PRRC1: variants seen among roughly 807,000 people sequenced by gnomAD.
PRRC1 encodes protein PRRC1.
In PRRC1, 39 loss-of-function variants were observed where a neutral mutation model predicts 40.7. That is an observed-to-expected ratio of 0.96 (90% CI 0.74 to 1.25). The LOEUF is 1.25. PRRC1 is among the 50% of genes most tolerant of loss of function. The pLI is 0.00. For synonymous variants in PRRC1, 175 were observed against 193.3 expected, an observed-to-expected ratio of 0.91 and a Z score of 0.79; for missense variants, 573 against 548.3, an observed-to-expected ratio of 1.05 and a Z score of -0.45.
intron 5 of PRRC1, among the ~76,000 whole-genome samples, chr5:127,533,298 T>A (rs1580937861): frequency 6.6e-6 from 1 of 152,314 alleles, no homozygotes; most frequent in South Asian, 2.1e-4. Flanking sequence ...TCACTTACTA[T>A]CAGTAAGTCT....
chr5:127,529,893 G>A (rs146949387), intron 4 of PRRC1, among the ~76,000 whole-genome samples: 372 of 152,176 alleles, frequency 2.4e-3, no homozygotes, highest in African/African-American at 8.6e-3. Flanking sequence ...TAGGGAACAA[G>A]TATGGACTTA....
At chr5:127,551,354 GT>G (rs1768376428) in intron 8 of PRRC1, 1 of 230,036 alleles carries the variant, frequency 4.3e-6, no homozygotes, top group African/African-American at 2.3e-5. Flanking sequence ...TTAATTTTCA[GT>G]TTTCCTCTTT....
chr5:127,552,022 T>A lies in PRRC1; in HGVS notation c.*106T>A. The stretch of plus-strand genomic sequence containing the variant: ...AATAGTCTAAATGAATCCAGTAGTT[T>A]TTATCATTTTCCTGTAGCCTGCAAT... On this transcript the variant is annotated 3_prime_UTR_variant, in exon 9 of 9. Coordinates refer to ENST00000296666, the MANE Select transcript of PRRC1 (RefSeq NM_130809.5). 6.7e-7 allele frequency: 1 copy of A among 1,494,754 alleles called. No homozygotes were observed. Among genetic ancestry groups the A allele is most frequent in the Non-Finnish European group, 8.9e-7 (1 of 1,119,432 alleles). The allele number at this position is 1,494,754 out of a possible 1,614,324, so 92.6% of individuals were successfully genotyped here.
At chr5:127,519,094 T>C (rs1289747033) in intron 1 of PRRC1, among the ~76,000 whole-genome samples, 1 of 152,252 alleles carries the variant, frequency 6.6e-6, no homozygotes, top group Non-Finnish European at 1.5e-5. Flanking sequence ...TGCAGACACA[T>C]TTGTTAATGT....
intron 1 of PRRC1, 93 bp from the exon 2 acceptor site, chr5:127,523,365 CTT>C: frequency 1.8e-6 from 1 of 563,386 alleles, no homozygotes; most frequent in Admixed American, 3.6e-5. Context: ...ACATCTATCT[CTT>C]GATGATTTTT....
At chr5:127,531,617 C>CTTCTTTTTTTTTTTTTT (rs1268819647) in intron 5 of PRRC1, among the ~76,000 whole-genome samples, 2 of 99,680 alleles carry the variant, frequency 2.0e-5, no homozygotes, top group African/African-American at 9.3e-5. Flanking sequence ...TCTTCTTCTT[C>CTTCTTTTTTTTTTTTTT]TTTTTTTTTT....
At position 127,554,542 on chromosome 5, in the gene PRRC1, C is replaced by T. The variant is rs1768478178; in HGVS notation, c.*2626C>T. ...CAGTTGACAAGGTGCTCAGATTATT[C>T]AATTCGGGATCCTCCTTTTGTTAGG... On this transcript the variant is annotated 3_prime_UTR_variant, in exon 9 of 9. Coordinates refer to ENST00000296666, the MANE Select transcript of PRRC1 (RefSeq NM_130809.5). 6.6e-6 allele frequency: 1 copy of T among 152,132 alleles called. No individual in the cohort carries two copies. Among genetic ancestry groups the T allele is most frequent in the Non-Finnish European group, 1.5e-5 (1 of 68,026 alleles). 9.4% of individuals were successfully genotyped at this position (152,132 alleles called of 1,614,324 possible).
chr5:127,532,329 G>A (rs181734055), intron 5 of PRRC1, among the ~76,000 whole-genome samples: 29 of 152,184 alleles, frequency 1.9e-4, no homozygotes, highest in Admixed American at 7.9e-4. Flanking sequence ...GGATGATCTC[G>A]ATCTCTTGAC....
chr5:127,524,472 G>T, intron 2 of PRRC1, 59 bp from the exon 3 acceptor site: 1 of 1,507,358 alleles, frequency 6.6e-7, no homozygotes. Context: ...TAGACAGTTT[G>T]AAAACTAAAT....
At position 127,553,913 on chromosome 5, in the gene PRRC1, G is replaced by T. The variant is rs753628475; in HGVS notation, c.*1997G>T. Reference sequence around the variant, plus strand: ...CTCCTGCTCGGAACCGTGTGAGTGGGTGAGGAAGATGAGAGATGGTCAGAT... The same window carrying T: ...CTCCTGCTCGGAACCGTGTGAGTGGTTGAGGAAGATGAGAGATGGTCAGAT... On this transcript the variant is annotated 3_prime_UTR_variant, in exon 9 of 9. Coordinates refer to ENST00000296666, the MANE Select transcript of PRRC1 (RefSeq NM_130809.5). The T allele has an allele frequency of 6.5e-7, 1 of 1,535,056 alleles. No individual in the cohort carries two copies. The highest frequency in any genetic ancestry group is 1.2e-5 in the South Asian group (1 of 84,016).
chr5:127,551,420 A>G (rs958438930), intron 8 of PRRC1: 1 of 339,916 alleles, frequency 2.9e-6, no homozygotes, highest in Non-Finnish European at 5.5e-6. Context: ...TTTAGTACCA[A>G]TCTTATTATT....
At chr5:127,535,673 A>G (rs2127103086) in intron 6 of PRRC1, among the ~76,000 whole-genome samples, 1 of 152,286 alleles carries the variant, frequency 6.6e-6, no homozygotes, top group Non-Finnish European at 1.5e-5. Context: ...TATTTGAAGG[A>G]GCTTATAATA....
rs978177361 is a variant in PRRC1, at chr5:127,553,017, TA to T, written c.*1102del. 51 of 739,848 alleles carry T rather than the reference TA, an allele frequency of 6.9e-5. No homozygotes were observed. The African/African-American group carries it at 9.6e-4, about 14-fold the overall frequency. The allele number at this position is 739,848 out of a possible 1,614,324, so 45.8% of individuals were successfully genotyped here. On this transcript the variant is annotated 3_prime_UTR_variant, in exon 9 of 9. Coordinates refer to ENST00000296666, the MANE Select transcript of PRRC1 (RefSeq NM_130809.5). ...TAATATATTATATCATTTTTGGACTTATATAAATGATAATTAAATAAATTTT... is the reference window on the plus strand; with the variant it reads ...TAATATATTATATCATTTTTGGACTTTATAAATGATAATTAAATAAATTTT...
At chr5:127,523,835 G>A (rs1002163638) in intron 2 of PRRC1, 4 of 332,354 alleles carry the variant, frequency 1.2e-5, no homozygotes, top group Non-Finnish European at 1.6e-5. Context: ...TTTATATTAT[G>A]GCAGAAATAT....
At chr5:127,544,990 G>C (rs899619386) in intron 7 of PRRC1, among the ~76,000 whole-genome samples, 3 of 152,230 alleles carry the variant, frequency 2.0e-5, no homozygotes, top group South Asian at 2.1e-4. Context: ...GCTGGGAGCT[G>C]TAGACAGGAG....
Position 127,520,549 on chromosome 5 carries a change from A to C in PRRC1, c.-21+2773A>C, listed in dbSNP as rs949780099. Among the ~76,000 whole-genome samples the C allele has an allele frequency of 7.9e-5, 12 of 152,376 alleles. No homozygotes were observed. In the South Asian group the frequency reaches 2.5e-3, roughly 32 times the overall value. On this transcript the variant is annotated intron_variant, in intron 1 of 8. Coordinates refer to ENST00000296666, the MANE Select transcript of PRRC1 (RefSeq NM_130809.5). ...CAAGAACATTATGTTGAATGAAAAA[A>C]AGCCAACTTCAAAAGGTTATATGCT...
At position 127,530,417 on chromosome 5, in the gene PRRC1, G is replaced by C. The variant is rs368475542; in HGVS notation, c.757+21G>C. On this transcript the variant is annotated intron_variant, in intron 5 of 8. Transcript: ENST00000296666. ...TATCAGTATGTACATAAGTTAGACC[G>C]GTATCTGCCATTTTTTTTTTAAGGG... is the stretch of plus-strand genomic sequence containing the variant. 2.1e-3 allele frequency: 3,351 copies of C among 1,565,240 alleles called. 8 individuals carry two copies. The highest frequency in any genetic ancestry group is 2.6e-3 in the Non-Finnish European group (2,972 of 1,141,668).
In PRRC1 at chr5:127,538,303, T is replaced by A. The variant is rs532523336; in HGVS notation, c.922-737T>A. Among the ~76,000 whole-genome samples, 8 of 152,186 alleles carry A rather than the reference T, an allele frequency of 5.3e-5. No individual in the cohort carries two copies. The South Asian group carries it at 1.7e-3, about 32-fold the overall frequency. On this transcript the variant is annotated intron_variant, in intron 6 of 8. Coordinates refer to ENST00000296666, the MANE Select transcript of PRRC1 (RefSeq NM_130809.5). ...ATTGTCTGTTTACCTCTGCTGTCCTTATAAAAATTATCCATGGCTACTTCT... is the reference window on the plus strand; with the variant it reads ...ATTGTCTGTTTACCTCTGCTGTCCTAATAAAAATTATCCATGGCTACTTCT...
At chr5:127,548,757 A>G (rs1450071871) in intron 8 of PRRC1, 1 of 152,152 alleles carries the variant, frequency 6.6e-6, no homozygotes, top group Non-Finnish European at 1.5e-5. Context: ...GTGTTCACAT[A>G]ATCCCTAAAA....
Sources: gnomAD v4.1 joint callset for allele counts (sites outside exome capture counted in the v4.1 genomes callset) on GRCh38, gnomAD v4.1.1 for gene constraint, MANE v1.5 for transcripts, NCBI Gene and HGNC (gene_info 2026-07-23, HGNC 2026-07-21) for gene names.